The following NMNAT3 variants were observed in gnomAD, a reference collection of about 807,000 sequenced individuals.
The protein encoded by NMNAT3 is nicotinamide/nicotinic acid mononucleotide adenylyltransferase 3.
In NMNAT3, 21 loss-of-function variants were observed where a neutral mutation model predicts 24.8. The ratio of observed to expected loss-of-function variants is 0.85; its 90% CI spans 0.60 to 1.22. NMNAT3 has a LOEUF of 1.22. NMNAT3 is among the 50% of genes most tolerant of loss of function. NMNAT3 has a pLI of 0.00. For synonymous variants in NMNAT3, 136 were observed against 155.2 expected (o/e 0.88, Z 0.92); for missense variants, 387 against 436.6 (o/e 0.89, Z 1.01).
At chr3:139,565,808 T>C (rs1280067521) in intron 6 of NMNAT3, 1 of 152,228 alleles carries the variant, frequency 6.6e-6, no homozygotes, top group Non-Finnish European at 1.5e-5. Context: ...TTGTGAATAG[T>C]GCTGCAATAA....
intron 5 of NMNAT3, among the ~76,000 whole-genome samples, chr3:139,578,131 G>T (rs1939608075): frequency 6.6e-6 from 1 of 152,200 alleles, no homozygotes. Context: ...ACAGCCAGGA[G>T]AGGTGGGACT....
chr3:139,583,219 A>G lies in NMNAT3; in HGVS notation c.110-11T>C. 8.3e-7 allele frequency: 1 copy of G among 1,205,784 alleles called. No homozygotes were observed. Among genetic ancestry groups the G allele is most frequent in the Admixed American group, 1.7e-5 (1 of 58,128 alleles). 74.7% of individuals were successfully genotyped at this position (1,205,784 alleles called of 1,614,324 possible). Reference sequence around the variant, plus strand: ...CCTTTTCTTCATATTCTGGAATACAAGAAAACGTGTAAATGTTTGCAAATT... The same window carrying G: ...CCTTTTCTTCATATTCTGGAATACAGGAAAACGTGTAAATGTTTGCAAATT... On this transcript the variant is annotated splice_polypyrimidine_tract_variant and intron_variant, in intron 3 of 6. Transcript: ENST00000643695.
intron 1 of NMNAT3, among the ~76,000 whole-genome samples, chr3:139,653,988 C>A (rs948731495): frequency 1.3e-5 from 2 of 152,198 alleles, no homozygotes; most frequent in Non-Finnish European, 2.9e-5. Context: ...TTCTGCTCCC[C>A]CCTCTTGTCC....
intron 6 of NMNAT3, among the ~76,000 whole-genome samples, chr3:139,562,526 T>C (rs1270002357): frequency 1.3e-5 from 2 of 152,178 alleles, no homozygotes; most frequent in African/African-American, 4.8e-5. Context: ...CCACAAAGTC[T>C]GAGTAAAGAG....
chr3:139,670,715 C>A (rs1312924433), intron 1 of NMNAT3, among the ~76,000 whole-genome samples: 1 of 152,142 alleles, frequency 6.6e-6, no homozygotes, highest in Admixed American at 6.5e-5. Flanking sequence ...AGACAAGATG[C>A]CAGAATGATA....
chr3:139,624,360 G>A (rs940249410), intron 3 of NMNAT3, among the ~76,000 whole-genome samples: 17 of 151,520 alleles, frequency 1.1e-4, no homozygotes, highest in African/African-American at 3.2e-4. Context: ...GGGATCTTTC[G>A]GAGATCTTTC....
chr3:139,580,259 A>G (rs146107342), intron 4 of NMNAT3, among the ~76,000 whole-genome samples: 1 of 145,508 alleles, frequency 6.9e-6, no homozygotes, highest in African/African-American at 2.8e-5. Flanking sequence ...AGTAGCTGAG[A>G]CTACAGGCAT....
chr3:139,659,384 A>G (rs1323100772), intron 1 of NMNAT3, among the ~76,000 whole-genome samples: 2 of 152,214 alleles, frequency 1.3e-5, no homozygotes, highest in Non-Finnish European at 2.9e-5. Flanking sequence ...ACAGTTCTAG[A>G]GTAGAGACTC....
chr3:139,637,001 A>T (rs531244156), intron 2 of NMNAT3: 1 of 152,308 alleles, frequency 6.6e-6, no homozygotes, highest in Admixed American at 6.5e-5. Context: ...CCAAATCTAC[A>T]GCTCTAGACT....
Position 139,579,070 on chromosome 3 carries a change from G to A in NMNAT3, c.392-15C>T. ...CTGGTACATTCCTAGGTAAGAGAGA[G>A]CAGTGGTGTTGCACATACAGACAGA... On this transcript the variant is annotated splice_polypyrimidine_tract_variant and intron_variant, in intron 4 of 6. Transcript: ENST00000643695. 6.2e-7 allele frequency: 1 copy of A among 1,608,956 alleles called. No individual in the cohort carries two copies. Among genetic ancestry groups the A allele is most frequent in the Non-Finnish European group, 8.5e-7 (1 of 1,177,264 alleles).
At chr3:139,644,119 T>C (rs1186563793) in intron 1 of NMNAT3, among the ~76,000 whole-genome samples, 1 of 152,226 alleles carries the variant, frequency 6.6e-6, no homozygotes, top group Non-Finnish European at 1.5e-5. Context: ...ATTTCAATTA[T>C]GTAAGCCAAC....
intron 1 of NMNAT3, among the ~76,000 whole-genome samples, chr3:139,642,598 C>T (rs192600164): frequency 6.6e-6 from 1 of 152,278 alleles, no homozygotes; most frequent in East Asian, 1.9e-4. Context: ...AGAACTTAAC[C>T]TCAGGGTAAG....
At position 139,562,824 on chromosome 3, in the gene NMNAT3, A is replaced by C. The variant is rs1179807013; in HGVS notation, c.659-1432T>G. ...GAGCTCTAGACTCATTTAAAGCAACATATGCAATCACAGAAACACACTTTT... is the reference window on the plus strand; with the variant it reads ...GAGCTCTAGACTCATTTAAAGCAACCTATGCAATCACAGAAACACACTTTT... On this transcript the variant is annotated intron_variant, in intron 6 of 6. Transcript: ENST00000643695. Among the ~76,000 whole-genome samples, 7 of 152,218 alleles carry C rather than the reference A, an allele frequency of 4.6e-5. No individual in the cohort carries two copies. The East Asian group carries it at 1.3e-3, about 29-fold the overall frequency.
chr3:139,658,089 G>T (rs1338453220), intron 1 of NMNAT3, among the ~76,000 whole-genome samples: 1 of 151,958 alleles, frequency 6.6e-6, no homozygotes, highest in East Asian at 1.9e-4. Context: ...GGCGTGTTTT[G>T]GGGTTCTGCT....
At chr3:139,591,601 C>T (rs2108169344) in intron 3 of NMNAT3, among the ~76,000 whole-genome samples, 1 of 152,274 alleles carries the variant, frequency 6.6e-6, no homozygotes, top group Non-Finnish European at 1.5e-5. Context: ...AGTGGTTCTC[C>T]CACCACGCAG....
At chr3:139,576,370 T>C in intron 5 of NMNAT3, 7 of 629,654 alleles carry the variant, frequency 1.1e-5, no homozygotes, top group Non-Finnish European at 1.4e-5. Flanking sequence ...GATAAAACTG[T>C]GTTGACTGTA....
intron 3 of NMNAT3, among the ~76,000 whole-genome samples, chr3:139,606,858 A>G (rs1332036009): frequency 1.3e-5 from 2 of 152,066 alleles, no homozygotes; most frequent in Non-Finnish European, 2.9e-5. Flanking sequence ...TGTTCCTCAA[A>G]TTATCCCAGA....
intron 1 of NMNAT3, among the ~76,000 whole-genome samples, chr3:139,665,611 C>T (rs2057551621): frequency 6.6e-6 from 1 of 152,102 alleles, no homozygotes; most frequent in South Asian, 2.1e-4. Context: ...ATGTTATTCA[C>T]TGCAGTGTTG....
intron 1 of NMNAT3, among the ~76,000 whole-genome samples, chr3:139,654,282 T>C (rs1299452845): frequency 6.6e-6 from 1 of 152,212 alleles, no homozygotes; most frequent in Non-Finnish European, 1.5e-5. Context: ...AGCCTGGAAC[T>C]GACTCAGAAT....
Sources: allele counts gnomAD v4.1 joint callset (sites outside exome capture counted in the v4.1 genomes callset), GRCh38; gene constraint gnomAD v4.1.1; transcripts MANE v1.5; gene names NCBI Gene and HGNC (gene_info 2026-07-23, HGNC 2026-07-21).